PRIM2: variants seen among roughly 807,000 people sequenced by gnomAD.
PRIM2 encodes the protein DNA primase large subunit.
Under a neutral mutation model 67.3 loss-of-function variants are expected in PRIM2, and 39 were observed. The observed-to-expected ratio is 0.58, with a 90% CI of 0.45 to 0.76. The LOEUF is 0.76. PRIM2 is among the 30% of genes least tolerant of loss of function. The pLI is 0.00. For missense variants in PRIM2, 398 were observed against 598.7 expected, an observed-to-expected ratio of 0.66 and a Z score of 3.50; for synonymous variants, 143 against 198.7, an observed-to-expected ratio of 0.72 and a Z score of 2.36.
chr6:57,582,391 G>A (rs1485131380), intron 10 of PRIM2, among the ~76,000 whole-genome samples: 3 of 152,136 alleles, frequency 2.0e-5, no homozygotes, highest in Admixed American at 2.0e-4. Flanking sequence ...TCCTTGTCGT[G>A]TCCTCAACTT....
the PRIM2 span, among the ~76,000 whole-genome samples, chr6:57,285,629 A>C: frequency 6.6e-6 from 1 of 152,230 alleles, no homozygotes; most frequent in Non-Finnish European, 1.5e-5. Flanking sequence ...ATCTCAAAAT[A>C]ATAAGAGCTA....
At chr6:57,583,335 C>G (rs1453920535) in intron 10 of PRIM2, among the ~76,000 whole-genome samples, 3 of 103,932 alleles carry the variant, frequency 2.9e-5, no homozygotes, top group Non-Finnish European at 5.6e-5. Context: ...CCCCTCCCCC[C>G]ACCCCACAAC....
chr6:57,496,302 G>T (rs1167829941), intron 7 of PRIM2, among the ~76,000 whole-genome samples: 1 of 152,094 alleles, frequency 6.6e-6, no homozygotes, highest in Non-Finnish European at 1.5e-5. Context: ...TAATATTTAG[G>T]TAAAATGGTA....
rs529819492 is a variant in PRIM2 at position 57,346,877 on chromosome 6, T to C, written c.459+20832T>C. On this transcript the variant is annotated intron_variant, in intron 5 of 13. Coordinates refer to ENST00000615550, the MANE Select transcript of PRIM2 (RefSeq NM_000947.5). ...GAGTTACAAAGGGAGGAGGAAGTAGTTGCGTAACAAATCCATTTGGTCCAG... is the reference window on the plus strand; with the variant it reads ...GAGTTACAAAGGGAGGAGGAAGTAGCTGCGTAACAAATCCATTTGGTCCAG... Among the ~76,000 whole-genome samples, 17 of 152,292 alleles carry C rather than the reference T, an allele frequency of 1.1e-4. No individual in the cohort carries two copies. In the East Asian group the frequency reaches 3.3e-3, roughly 29 times the overall value.
intron 11 of PRIM2, among the ~76,000 whole-genome samples, chr6:57,602,944 CG>C: frequency 6.6e-6 from 1 of 152,294 alleles, no homozygotes; most frequent in Admixed American, 6.5e-5. Flanking sequence ...GCACAACCTC[CG>C]TTGCTGTCAG....
At chr6:57,267,737 C>CA in the PRIM2 span, among the ~76,000 whole-genome samples, 1 of 151,028 alleles carries the variant, frequency 6.6e-6, no homozygotes, top group South Asian at 2.1e-4. Flanking sequence ...TGCGACACCC[C>CA]ATCTCTACAA....
the PRIM2 span, among the ~76,000 whole-genome samples, chr6:57,273,187 G>A: frequency 6.6e-6 from 1 of 152,252 alleles, no homozygotes; most frequent in Non-Finnish European, 1.5e-5. Flanking sequence ...TTGCTAGATT[G>A]GGGAAGTTCT....
At chr6:57,437,994 A>G (rs1772069317) in intron 7 of PRIM2, among the ~76,000 whole-genome samples, 1 of 151,916 alleles carries the variant, frequency 6.6e-6, no homozygotes, top group African/African-American at 2.4e-5. Flanking sequence ...CCTGAATCCT[A>G]CTCCATAGTT....
intron 8 of PRIM2, among the ~76,000 whole-genome samples, chr6:57,516,277 G>C (rs1160549703): frequency 6.6e-6 from 1 of 152,146 alleles, no homozygotes; most frequent in Non-Finnish European, 1.5e-5. Flanking sequence ...GAGGATCCAG[G>C]AATTAGAGCA....
chr6:57,373,250 A>G (rs564293566), intron 5 of PRIM2, among the ~76,000 whole-genome samples: 3 of 149,888 alleles, frequency 2.0e-5, no homozygotes, highest in Admixed American at 6.6e-5. Flanking sequence ...TGTTGGCCGC[A>G]TGTATGTCTT....
At chr6:57,280,433 C>G in the PRIM2 span, among the ~76,000 whole-genome samples, 1 of 151,742 alleles carries the variant, frequency 6.6e-6, no homozygotes, top group Non-Finnish European at 1.5e-5. Flanking sequence ...TTTAGACTAA[C>G]AGAAGAGTTA....
At chr6:57,263,105 C>T in the PRIM2 span, among the ~76,000 whole-genome samples, 15 of 152,206 alleles carry the variant, frequency 9.9e-5, no homozygotes, top group Middle Eastern at 3.4e-3. Flanking sequence ...ACTATTATCA[C>T]GTAAATAGGA....
the PRIM2 span, among the ~76,000 whole-genome samples, chr6:57,289,563 G>A: frequency 3.3e-5 from 5 of 152,204 alleles, no homozygotes; most frequent in East Asian, 3.9e-4. Flanking sequence ...GAGAAAGGTC[G>A]GGTTACCCAC....
chr6:57,405,128 A>G (rs1336645064), intron 7 of PRIM2, among the ~76,000 whole-genome samples: 1 of 152,128 alleles, frequency 6.6e-6, no homozygotes, highest in Admixed American at 6.6e-5. Flanking sequence ...AGTTGCTAGG[A>G]AACAGCTGAA....
chr6:57,324,784 A>G (rs1288254444), intron 4 of PRIM2, among the ~76,000 whole-genome samples: 1 of 152,072 alleles, frequency 6.6e-6, no homozygotes, highest in Non-Finnish European at 1.5e-5. Context: ...TTTCCCTCAC[A>G]TGTTAATTTT....
At chr6:57,514,855 AC>A (rs1359428698) in intron 8 of PRIM2, among the ~76,000 whole-genome samples, 7 of 151,558 alleles carry the variant, frequency 4.6e-5, no homozygotes, top group Non-Finnish European at 7.4e-5. Flanking sequence ...TATAAACAGT[AC>A]CCCCCTCCCC....
chr6:57,610,188 C>T (rs1776639663), intron 12 of PRIM2, among the ~76,000 whole-genome samples: 1 of 152,180 alleles, frequency 6.6e-6, no homozygotes, highest in Non-Finnish European at 1.5e-5. Flanking sequence ...CCCGCCTCAG[C>T]ATCCCAAGTA....
intron 7 of PRIM2, among the ~76,000 whole-genome samples, chr6:57,479,727 C>T (rs1773568721): frequency 6.6e-6 from 1 of 152,146 alleles, no homozygotes; most frequent in Non-Finnish European, 1.5e-5. Flanking sequence ...GGATAAAGAC[C>T]TGGCAACATT....
Position 57,489,182 on chromosome 6 carries a change from C to T in PRIM2, c.694-18205C>T, listed in dbSNP as rs1176531056. On this transcript the variant is annotated intron_variant, in intron 7 of 13. Coordinates refer to ENST00000615550, the MANE Select transcript of PRIM2 (RefSeq NM_000947.5). ...AGAGTTCTCTGTTTTAAGAATTATT[C>T]TTAATTATTGGTTATTAGTCTGGCA... 6.6e-5 allele frequency among the ~76,000 whole-genome samples: 10 copies of T among 152,350 alleles called. No individual in the cohort carries two copies. In the East Asian group the frequency reaches 1.3e-3, roughly 21 times the overall value.
Sources: allele counts gnomAD v4.1 joint callset (sites outside exome capture counted in the v4.1 genomes callset), GRCh38; gene constraint gnomAD v4.1.1; transcripts MANE v1.5; gene names NCBI Gene and HGNC (gene_info 2026-07-23, HGNC 2026-07-21).